The following XKR4 variants were observed in gnomAD, a reference collection of about 807,000 sequenced individuals.
The protein encoded by XKR4 is XK-related protein 4.
Under a neutral mutation model 53.9 loss-of-function variants are expected in XKR4, and 12 were observed. The ratio of observed to expected loss-of-function variants is 0.22; its 90% CI spans 0.14 to 0.36. The LOEUF is 0.36. Ranked by LOEUF, XKR4 falls within the 10% of genes least tolerant of loss-of-function variation. The pLI, the probability that XKR4 is intolerant of heterozygous loss-of-function variation, is 1.00. For missense variants in XKR4, 799 were observed against 859.5 expected (o/e 0.93, Z 0.88); for synonymous variants, 354 against 362.4 (o/e 0.98, Z 0.26).
At chr8:55,204,864 A>G (rs1263114458) in intron 1 of XKR4, among the ~76,000 whole-genome samples, 1 of 152,214 alleles carries the variant, frequency 6.6e-6, no homozygotes, top group Non-Finnish European at 1.5e-5. Context: ...TGACTCGGTG[A>G]TACATTTTCA....
intron 2 of XKR4, chr8:55,451,389 A>T: frequency 3.8e-6 from 3 of 785,732 alleles, no homozygotes. Flanking sequence ...AGAAGCCGCT[A>T]AGTGTGTTGC....
chr8:55,423,326 C>T (rs974184771), intron 2 of XKR4, among the ~76,000 whole-genome samples: 1 of 152,166 alleles, frequency 6.6e-6, no homozygotes, highest in Non-Finnish European at 1.5e-5. Flanking sequence ...AACTCCTGAC[C>T]TCGGGTGATC....
rs1819117725 is a variant in XKR4, at chr8:55,297,482, A to T, written c.807-60196A>T. 2.0e-5 allele frequency among the ~76,000 whole-genome samples: 3 copies of T among 152,274 alleles called. No individual in the cohort carries two copies. In the South Asian group the frequency reaches 6.2e-4, roughly 32 times the overall value. ...TGCCTTTGAAAACCTACAACATATAATCTAGAATTTAGGATTTTTGAGATT... is the reference window on the plus strand; with the variant it reads ...TGCCTTTGAAAACCTACAACATATATTCTAGAATTTAGGATTTTTGAGATT... On this transcript the variant is annotated intron_variant, in intron 1 of 2. Coordinates refer to ENST00000327381, the MANE Select transcript of XKR4 (RefSeq NM_052898.2).
chr8:55,274,287 G>A (rs1278497461), intron 1 of XKR4, among the ~76,000 whole-genome samples: 1 of 152,148 alleles, frequency 6.6e-6, no homozygotes, highest in African/African-American at 2.4e-5. Context: ...AGTTCTGCAG[G>A]CCAAAGCCCA....
intron 1 of XKR4, among the ~76,000 whole-genome samples, chr8:55,152,428 A>G (rs1395160761): frequency 1.3e-5 from 2 of 152,188 alleles, no homozygotes; most frequent in Admixed American, 6.5e-5. Flanking sequence ...GGCAGGTTTT[A>G]TACAGAACCA....
chr8:55,235,554 AAT>A (rs950281450), intron 1 of XKR4, among the ~76,000 whole-genome samples: 43 of 152,200 alleles, frequency 2.8e-4, no homozygotes, highest in Middle Eastern at 3.2e-3. Context: ...ACACTACATA[AAT>A]ATGTTTGTTT....
At chr8:55,226,004 C>T (rs1817947230) in intron 1 of XKR4, among the ~76,000 whole-genome samples, 1 of 152,140 alleles carries the variant, frequency 6.6e-6, no homozygotes, top group Non-Finnish European at 1.5e-5. Flanking sequence ...CAGACAACAC[C>T]GTCCCTGACC....
intron 1 of XKR4, among the ~76,000 whole-genome samples, chr8:55,151,883 A>G (rs1329116869): frequency 2.0e-5 from 3 of 152,182 alleles, no homozygotes; most frequent in African/African-American, 7.2e-5. Context: ...CAATTTAGCC[A>G]TTTCCCTAAC....
intron 1 of XKR4, among the ~76,000 whole-genome samples, chr8:55,230,282 G>A (rs1193998923): frequency 2.0e-5 from 3 of 151,596 alleles, no homozygotes; most frequent in Non-Finnish European, 2.9e-5. Flanking sequence ...ACTAGGGAGG[G>A]GAATCACTTT....
chr8:55,121,976 G>C (rs1816398125), intron 1 of XKR4, among the ~76,000 whole-genome samples: 1 of 152,096 alleles, frequency 6.6e-6, no homozygotes, highest in Non-Finnish European at 1.5e-5. Flanking sequence ...GACCTGAATG[G>C]AGAATGTATG....
At chr8:55,499,010 C>T (rs925646010) in intron 2 of XKR4, among the ~76,000 whole-genome samples, 6 of 152,204 alleles carry the variant, frequency 3.9e-5, no homozygotes, top group Admixed American at 1.3e-4. Flanking sequence ...GTAAATAAAG[C>T]CAATTTATCT....
intron 2 of XKR4, among the ~76,000 whole-genome samples, chr8:55,393,005 TA>T (rs1049021966): frequency 1.2e-4 from 18 of 151,096 alleles, no homozygotes; most frequent in South Asian, 4.2e-4. Flanking sequence ...AAGTTCTTAT[TA>T]AAAAAAAATT....
At chr8:55,384,517 A>G (rs1804281740) in intron 2 of XKR4, among the ~76,000 whole-genome samples, 1 of 152,226 alleles carries the variant, frequency 6.6e-6, no homozygotes, top group Admixed American at 6.5e-5. Context: ...GAGAAAAAAA[A>G]TAGCCAAACG....
At chr8:55,464,223 C>T (rs1366364181) in intron 2 of XKR4, among the ~76,000 whole-genome samples, 1 of 152,034 alleles carries the variant, frequency 6.6e-6, no homozygotes, top group Non-Finnish European at 1.5e-5. Context: ...TGCAAAAATC[C>T]TCAATAAAAT....
At chr8:55,282,468 A>G (rs1818856699) in intron 1 of XKR4, among the ~76,000 whole-genome samples, 1 of 152,302 alleles carries the variant, frequency 6.6e-6, no homozygotes, top group East Asian at 1.9e-4. Flanking sequence ...CAAGTTTTAA[A>G]CCATGGTCAA....
At chr8:55,465,904 C>T (rs1805759774) in intron 2 of XKR4, among the ~76,000 whole-genome samples, 1 of 152,086 alleles carries the variant, frequency 6.6e-6, no homozygotes, top group Admixed American at 6.5e-5. Flanking sequence ...CATCACTGGC[C>T]ATCAGAGAAA....
chr8:55,210,145 C>A (rs563507019), intron 1 of XKR4, among the ~76,000 whole-genome samples: 2 of 150,026 alleles, frequency 1.3e-5, no homozygotes, highest in Non-Finnish European at 2.9e-5. Flanking sequence ...AGTGCAGTGG[C>A]GTGATCTTGG....
At chr8:55,346,455 C>G (rs1049132757) in intron 1 of XKR4, among the ~76,000 whole-genome samples, 1 of 152,134 alleles carries the variant, frequency 6.6e-6, no homozygotes, top group East Asian at 1.9e-4. Flanking sequence ...GAAATAAAGT[C>G]TAATCTTGAA....
chr8:55,465,512 A>G (rs1345585478), intron 2 of XKR4, among the ~76,000 whole-genome samples: 1 of 151,898 alleles, frequency 6.6e-6, no homozygotes, highest in Non-Finnish European at 1.5e-5. Context: ...CTTAAATGTT[A>G]GACCTAAAAC....
Sources: allele counts gnomAD v4.1 joint callset (sites outside exome capture counted in the v4.1 genomes callset), GRCh38; gene constraint gnomAD v4.1.1; transcripts MANE v1.5; gene names NCBI Gene and HGNC (gene_info 2026-07-23, HGNC 2026-07-21).